The following SCAPER variants were observed in gnomAD, a reference collection of about 807,000 sequenced individuals.
SCAPER encodes the protein S phase cyclin A-associated protein in the endoplasmic reticulum.
SCAPER carries 98 observed loss-of-function variants against 182.2 expected under a neutral mutation model. That is an observed-to-expected ratio of 0.54 (90% confidence interval 0.46 to 0.64). The LOEUF is 0.64. Among genes scored for constraint, SCAPER ranks in the 30% least tolerant of loss-of-function variants. The pLI is 0.00. For synonymous variants in SCAPER, 605 were observed against 564.6 expected (o/e 1.07, Z -1.01); for missense variants, 1,432 against 1,690.0 (o/e 0.85, Z 2.68).
At chr15:76,732,352 T>C (rs942701897) in intron 16 of SCAPER, among the ~76,000 whole-genome samples, 1 of 152,166 alleles carries the variant, frequency 6.6e-6, no homozygotes, top group African/African-American at 2.4e-5. Flanking sequence ...CATTAGTTTG[T>C]AGCAATTACT....
intron 20 of SCAPER, among the ~76,000 whole-genome samples, chr15:76,687,414 G>T (rs769181066): frequency 3.9e-5 from 6 of 151,984 alleles, no homozygotes; most frequent in African/African-American, 1.4e-4. Context: ...AAAAATCAAA[G>T]AATAGTCCTC....
intron 17 of SCAPER, among the ~76,000 whole-genome samples, chr15:76,723,912 G>A (rs1444404697): frequency 1.3e-5 from 2 of 152,150 alleles, no homozygotes; most frequent in East Asian, 3.9e-4. Context: ...GGAGCATTTA[G>A]CCCATTTACA....
At chr15:76,616,818 T>C (rs1768142009) in intron 22 of SCAPER, among the ~76,000 whole-genome samples, 2 of 152,160 alleles carry the variant, frequency 1.3e-5, no homozygotes, top group African/African-American at 4.8e-5. Flanking sequence ...CTCTATCATT[T>C]TAATGTAAAA....
At chr15:76,663,243 C>T (rs886366676) in intron 21 of SCAPER, among the ~76,000 whole-genome samples, 3 of 151,994 alleles carry the variant, frequency 2.0e-5, no homozygotes, top group African/African-American at 7.2e-5. Flanking sequence ...CCACTACATT[C>T]CCACTAGAAC....
At position 76,354,062 on chromosome 15, in the gene SCAPER, G is replaced by A. The variant is rs1386545920; in HGVS notation, c.3934C>T (p.Arg1312Trp). The part of the protein sequence containing the change: ...QLPFQYFSDP[R>W]LIKVLFPSLI... Reference sequence around the variant, plus strand: ...GAAGGGAACAGTACTTTGATCAGCCGTGGGTCACTGAAATACTGGAAGGGC... The same window carrying A: ...GAAGGGAACAGTACTTTGATCAGCCATGGGTCACTGAAATACTGGAAGGGC... Residue 1312 changes from arginine to tryptophan, a missense_variant, in exon 30 of 32, where the codon CGG (arginine) becomes TGG (tryptophan). By Grantham distance (101) the Arg-to-Trp change is moderately radical (BLOSUM62 -3). This residue lies in a region of SCAPER where 718 missense variants were observed against 799.7 expected (regional missense o/e 0.90). Coordinates refer to ENST00000563290, the MANE Select transcript of SCAPER (RefSeq NM_020843.4). The surrounding 1 kb of genome is among the most constrained non-coding windows in gnomAD (Gnocchi z 4.4). The A allele has an allele frequency of 6.2e-7, 1 of 1,611,226 alleles. No individual in the cohort carries two copies. Among genetic ancestry groups the A allele is most frequent in the Non-Finnish European group, 8.5e-7 (1 of 1,179,094 alleles).
Position 76,574,284 on chromosome 15 carries a change from C to A in SCAPER, c.2712G>T (p.Lys904Asn). The A allele has an allele frequency of 6.2e-7, 1 of 1,610,000 alleles. No individual in the cohort carries two copies. Residue 904 changes from lysine to asparagine, a missense_variant and splice_region_variant, in exon 23 of 32, where the codon AAG becomes AAT. Lys to Asn is a moderately conservative substitution (Grantham distance 94). This residue lies in a region of SCAPER where 718 missense variants were observed against 799.7 expected (regional missense o/e 0.90). Transcript: ENST00000563290. ...GAAGATCTTTGGCTAATCGCTGAAGCCTTTAATACCAAATGAAAGGAAAGA... is the reference window on the plus strand; with the variant it reads ...GAAGATCTTTGGCTAATCGCTGAAGACTTTAATACCAAATGAAAGGAAAGA... ...NSGSDSPYKA[K>N]LQRLAKDLLK... is the part of the protein sequence containing the mutation.
intron 26 of SCAPER, among the ~76,000 whole-genome samples, chr15:76,433,609 A>G (rs939115804): frequency 6.6e-6 from 1 of 152,174 alleles, no homozygotes; most frequent in Non-Finnish European, 1.5e-5. Flanking sequence ...TCACTGAGAT[A>G]ATCATTTTTC....
intron 17 of SCAPER, among the ~76,000 whole-genome samples, chr15:76,714,544 G>C (rs912509094): frequency 3.3e-5 from 5 of 151,688 alleles, no homozygotes; most frequent in Admixed American, 2.0e-4. Flanking sequence ...GGTAGTAGTA[G>C]TAGTAGTAGT....
chr15:76,517,285 T>C (rs2042501749), intron 23 of SCAPER, among the ~76,000 whole-genome samples: 1 of 151,972 alleles, frequency 6.6e-6, no homozygotes, highest in Admixed American at 6.6e-5. Context: ...TTTAGATTTA[T>C]AGAAGGGTTG....
rs533845555 is a variant in SCAPER, at chr15:76,849,866, C to T, written c.196-7935G>A. Among the ~76,000 whole-genome samples, 69 of 152,260 alleles carry T rather than the reference C, an allele frequency of 4.5e-4. 1 individual carries two copies. The Middle Eastern group carries it at 0.01, about 23-fold the overall frequency. On this transcript the variant is annotated intron_variant, in intron 4 of 31. Coordinates refer to ENST00000563290, the MANE Select transcript of SCAPER (RefSeq NM_020843.4). Reference sequence around the variant, plus strand: ...TGGAGAGCCCTCAGGAAACTTACAACCATGGCGGAAGGCAAAGGAGAAACA... The same window carrying T: ...TGGAGAGCCCTCAGGAAACTTACAATCATGGCGGAAGGCAAAGGAGAAACA...
intron 23 of SCAPER, among the ~76,000 whole-genome samples, chr15:76,558,154 C>A (rs985007131): frequency 6.6e-6 from 1 of 152,068 alleles, no homozygotes; most frequent in Non-Finnish European, 1.5e-5. Flanking sequence ...CAAATGGGAT[C>A]TAATTAAACT....
intron 24 of SCAPER, among the ~76,000 whole-genome samples, chr15:76,471,745 GGAA>G (rs1461374175): frequency 6.6e-6 from 1 of 152,156 alleles, no homozygotes; most frequent in Non-Finnish European, 1.5e-5. Flanking sequence ...GAAAGATCAT[GGAA>G]GAAGAGAGCA....
intron 21 of SCAPER, among the ~76,000 whole-genome samples, chr15:76,638,643 G>A (rs1406150797): frequency 1.3e-5 from 2 of 152,098 alleles, no homozygotes; most frequent in Admixed American, 6.5e-5. Context: ...TTAATGTGGT[G>A]AATTATACTG....
intron 26 of SCAPER, among the ~76,000 whole-genome samples, chr15:76,416,078 T>A (rs1392290610): frequency 2.6e-5 from 4 of 152,074 alleles, no homozygotes; most frequent in Non-Finnish European, 5.9e-5. Flanking sequence ...TTTCAACACC[T>A]CCAATAGTAG....
At chr15:76,760,700 T>C (rs984197207) in intron 14 of SCAPER, among the ~76,000 whole-genome samples, 4 of 152,178 alleles carry the variant, frequency 2.6e-5, no homozygotes, top group Non-Finnish European at 5.9e-5. Context: ...ATTTAGGAAC[T>C]CTGTTTCAGA....
chr15:76,633,226 C>T (rs1484520584), intron 21 of SCAPER, among the ~76,000 whole-genome samples: 1 of 152,178 alleles, frequency 6.6e-6, no homozygotes, highest in Non-Finnish European at 1.5e-5. Context: ...CGCTATTTCC[C>T]TGGGTCCTTC....
chr15:76,676,550 T>C (rs1185156956), intron 20 of SCAPER, among the ~76,000 whole-genome samples: 2 of 151,896 alleles, frequency 1.3e-5, no homozygotes, highest in African/African-American at 4.8e-5. Context: ...CATAATGAAA[T>C]AGAGATGTAC....
intron 23 of SCAPER, among the ~76,000 whole-genome samples, chr15:76,544,693 G>T (rs1301739040): frequency 6.6e-6 from 1 of 152,150 alleles, no homozygotes; most frequent in African/African-American, 2.4e-5. Context: ...CTGGCAATGG[G>T]TACAGGGTTT....
At chr15:76,656,410 T>C (rs2055639561) in intron 21 of SCAPER, among the ~76,000 whole-genome samples, 1 of 152,144 alleles carries the variant, frequency 6.6e-6, no homozygotes, top group African/African-American at 2.4e-5. Context: ...CAAGTTCTTA[T>C]AAACTTATGA....
Sources: gnomAD v4.1 joint callset for allele counts (sites outside exome capture counted in the v4.1 genomes callset) on GRCh38, gnomAD v4.1.1 for gene constraint, gnomAD v4.1.1 regional missense constraint, Gnocchi (gnomAD v3.1) non-coding constraint, MANE v1.5 for transcripts, NCBI Gene and HGNC (gene_info 2026-07-23, HGNC 2026-07-21) for gene names.